Variants in ODF2L observed in about 807,000 individuals in gnomAD.
The protein encoded by ODF2L is outer dense fiber of sperm tails 2 like.
ODF2L carries 76 observed loss-of-function variants against 86.3 expected under a neutral mutation model. The observed-to-expected ratio is 0.88, with a 90% CI of 0.73 to 1.07. The LOEUF (loss-of-function observed/expected upper bound fraction) is 1.07. Among genes scored for constraint, ODF2L ranks in the 50% least tolerant of loss-of-function variants. ODF2L has a pLI of 0.00. For synonymous variants in ODF2L, 241 were observed against 231.3 expected (o/e 1.04, Z -0.38); for missense variants, 748 against 717.4 (o/e 1.04, Z -0.49).
At chr1:86,384,841 A>G in intron 3 of ODF2L, 40 bp from the exon 4 acceptor site, 1 of 1,424,530 alleles carries the variant, frequency 7.0e-7, no homozygotes, top group Non-Finnish European at 9.2e-7. Flanking sequence ...TTTAAGACAC[A>G]GCATTAAATA....
intron 8 of ODF2L, 28 bp from the exon 9 acceptor site, chr1:86,372,568 T>C (rs1304794970): frequency 1.7e-6 from 2 of 1,195,772 alleles, no homozygotes; most frequent in South Asian, 1.6e-5. Flanking sequence ...GTATTCATAC[T>C]ATAATTTTAA....
Position 86,379,295 on chromosome 1 carries a change from C to T in ODF2L, c.625-2877G>A, listed in dbSNP as rs935045595. Among the ~76,000 whole-genome samples, 6 of 152,128 alleles carry T rather than the reference C, an allele frequency of 3.9e-5. No individual in the cohort carries two copies. The South Asian group carries it at 8.3e-4, about 21-fold the overall frequency. On this transcript the variant is annotated intron_variant, in intron 7 of 17. Transcript: ENST00000317336. Reference sequence around the variant, plus strand: ...ACAATAATCCTCTACACATTGGGGACCAATGCTTCTCTATAACCTGTTAAA... The same window carrying T: ...ACAATAATCCTCTACACATTGGGGATCAATGCTTCTCTATAACCTGTTAAA...
chr1:86,384,857 C>T, intron 3 of ODF2L, 56 bp from the exon 4 acceptor site: 1 of 1,306,468 alleles, frequency 7.7e-7, no homozygotes, highest in South Asian at 1.8e-5. Flanking sequence ...AAATAAAACC[C>T]TCTAAAATAT....
chr1:86,366,181 A>ATTGTCT (rs1659400520), intron 11 of ODF2L, among the ~76,000 whole-genome samples: 2 of 152,190 alleles, frequency 1.3e-5, no homozygotes, highest in Admixed American at 1.3e-4. Flanking sequence ...TCTCATTTGT[A>ATTGTCT]AATTTTTAAA....
chr1:86,382,343 C>T (rs1235456532), exon 7 of ODF2L: 1 of 1,611,352 alleles, frequency 6.2e-7, no homozygotes, highest in Admixed American at 1.7e-5. Flanking sequence ...AAACGGTTTG[C>T]TTTCAAAGTA....
At chr1:86,376,570 GA>G in intron 7 of ODF2L, 152 bp from the exon 8 acceptor site, 1 of 482,090 alleles carries the variant, frequency 2.1e-6, no homozygotes, top group South Asian at 5.4e-5. Flanking sequence ...ATTTATAAAG[GA>G]AAGAAGTTTA....
intron 2 of ODF2L, 137 bp from the exon 3 acceptor site, chr1:86,385,727 C>CT (rs1225348844): frequency 3.6e-6 from 2 of 552,272 alleles, no homozygotes; most frequent in African/African-American, 1.9e-5. Context: ...GAAACTTGGA[C>CT]TTTGAGTGTA....
At chr1:86,355,266 T>C in intron 14 of ODF2L, 1 of 886,544 alleles carries the variant, frequency 1.1e-6, no homozygotes, top group Non-Finnish European at 1.8e-6. Context: ...TAATTGAGTA[T>C]CTGTGAAGTC....
At chr1:86,353,748 A>C (rs1356385274) in intron 16 of ODF2L, among the ~76,000 whole-genome samples, 2 of 152,172 alleles carry the variant, frequency 1.3e-5, no homozygotes, top group Middle Eastern at 3.2e-3. Context: ...TATGCATGAG[A>C]GATGCCAGTG....
chr1:86,358,039 T>C lies in ODF2L; in HGVS notation c.1359+748A>G, dbSNP rs181906041. 4 of 985,278 alleles carry C rather than the reference T, an allele frequency of 4.1e-6. No individual in the cohort carries two copies. The East Asian group carries it at 4.5e-4, about 112-fold the overall frequency. 61.0% of individuals were successfully genotyped at this position (985,278 alleles called of 1,614,324 possible). On this transcript the variant is annotated intron_variant, in intron 13 of 17. Transcript: ENST00000317336. ...TCAGTGAGCTATCTTTATGTCTGTA[T>C]AACTGGAGGACGCTTGCTCTGGCTG...
intron 13 of ODF2L, chr1:86,358,051 G>A (rs1445879455): frequency 5.1e-6 from 5 of 985,004 alleles, no homozygotes; most frequent in African/African-American, 1.7e-5. Context: ...ACTGGAGGAC[G>A]CTTGCTCTGG....
At chr1:86,347,769 T>A (rs370086453), downstream of ODF2L, 5 of 152,328 alleles carry the variant, frequency 3.3e-5, no homozygotes, top group East Asian at 7.7e-4. Context: ...AATTAACAGC[T>A]CTCAAGTCAT....
intron 11 of ODF2L, among the ~76,000 whole-genome samples, chr1:86,367,954 G>T (rs974387144): frequency 2.0e-5 from 3 of 152,136 alleles, no homozygotes; most frequent in African/African-American, 7.2e-5. Context: ...GTATAACAAA[G>T]AAGCAACTTT....
intron 14 of ODF2L, 40 bp downstream of exon 13, chr1:86,356,404 T>C (rs773299297): frequency 9.7e-6 from 15 of 1,545,698 alleles, no homozygotes; most frequent in Admixed American, 1.8e-5. Context: ...AAAGCATTCT[T>C]TTAACGCATC....
At position 86,385,608 on chromosome 1, in the gene ODF2L, T is replaced by C. The variant is rs1312585072; in HGVS notation, c.114-18A>G. 7 of 1,602,076 alleles carry C rather than the reference T, an allele frequency of 4.4e-6. No homozygotes were observed. The Admixed American group carries it at 5.0e-5, about 12-fold the overall frequency. On this transcript the variant is annotated intron_variant, in intron 2 of 17. Transcript: ENST00000317336. Reference sequence around the variant, plus strand: ...GCTTCAGGCTAATTACAAATGCACATACAAAATTTAAGTTAAATCCATTTC... The same window carrying C: ...GCTTCAGGCTAATTACAAATGCACACACAAAATTTAAGTTAAATCCATTTC...
chr1:86,382,438 T>G, intron 6 of ODF2L, 80 bp from the exon 7 acceptor site: 1 of 1,569,466 alleles, frequency 6.4e-7, no homozygotes, highest in Non-Finnish European at 8.6e-7. Flanking sequence ...AATTTTACCC[T>G]GATTTAGGCA....
chr1:86,357,472 T>TA (rs1170586972), intron 13 of ODF2L, among the ~76,000 whole-genome samples: 2 of 151,512 alleles, frequency 1.3e-5, no homozygotes, highest in African/African-American at 2.4e-5. Context: ...ACTGCTCCTT[T>TA]AAAAAAAATT....
At chr1:86,366,171 T>C (rs1399184842) in intron 11 of ODF2L, among the ~76,000 whole-genome samples, 1 of 152,016 alleles carries the variant, frequency 6.6e-6, no homozygotes, top group Non-Finnish European at 1.5e-5. Context: ...CTTTTTATTG[T>C]CTCATTTGTA....
Position 86,377,414 on chromosome 1 carries a change from G to A in ODF2L, c.625-996C>T, listed in dbSNP as rs534160867. Among the ~76,000 whole-genome samples the A allele has an allele frequency of 1.7e-4, 26 of 152,296 alleles. No individual in the cohort carries two copies. The South Asian group carries it at 5.2e-3, about 30-fold the overall frequency. Reference sequence around the variant, plus strand: ...AATGCATCTACCATTCTGGGGTCTGGAGGACTTGTGGCCCTCTTCTCACAG... The same window carrying A: ...AATGCATCTACCATTCTGGGGTCTGAAGGACTTGTGGCCCTCTTCTCACAG... On this transcript the variant is annotated intron_variant, in intron 7 of 17. Transcript: ENST00000317336.
Sources: allele counts gnomAD v4.1 joint callset (sites outside exome capture counted in the v4.1 genomes callset), GRCh38; gene constraint gnomAD v4.1.1; transcripts MANE v1.5; gene names NCBI Gene and HGNC (gene_info 2026-07-23, HGNC 2026-07-21).